KIAA2012: variants seen among roughly 807,000 people sequenced by gnomAD.
The protein encoded by KIAA2012 is KIAA2012.
In KIAA2012, 125 loss-of-function variants were observed where a neutral mutation model predicts 150.6. That is an observed-to-expected ratio of 0.83 (90% CI 0.72 to 0.96). KIAA2012 has a LOEUF of 0.96. Ranked by LOEUF, KIAA2012 falls within the 40% of genes least tolerant of loss-of-function variation. KIAA2012 has a pLI of 0.00. For synonymous variants in KIAA2012, 462 were observed against 504.7 expected (o/e 0.92, Z 1.13); for missense variants, 1,219 against 1,354.9 (o/e 0.90, Z 1.57).
In KIAA2012 at chr2:202,131,297, A is replaced by G. The variant is rs542313305; in HGVS notation, c.1831+6015A>G. On this transcript the variant is annotated intron_variant, in intron 12 of 23. Transcript: ENST00000498697. ...TGGGATTACAGGCGCACGCCACCAC[A>G]CCTGGCTAATTTTTTGTATTTTTAG... is the stretch of plus-strand genomic sequence containing the variant. Among the ~76,000 whole-genome samples the G allele has an allele frequency of 1.2e-4, 18 of 151,816 alleles. 1 individual carries two copies. Among genetic ancestry groups the G allele is most frequent in the Non-Finnish European group, 2.4e-4 (16 of 67,918 alleles).
chr2:202,164,214 G>A (rs79402786), intron 14 of KIAA2012, among the ~76,000 whole-genome samples: 371 of 152,030 alleles, frequency 2.4e-3, no homozygotes, highest in African/African-American at 8.4e-3. Flanking sequence ...GACACACGGG[G>A]CTTACTTGGG....
chr2:202,082,097 C>A (rs1243438804), intron 2 of KIAA2012, among the ~76,000 whole-genome samples: 1 of 152,206 alleles, frequency 6.6e-6, no homozygotes, highest in African/African-American at 2.4e-5. Flanking sequence ...TTTTTATGTG[C>A]GTGTTGACCA....
chr2:202,079,050 A>T (rs1689386303), intron 2 of KIAA2012, among the ~76,000 whole-genome samples: 1 of 152,150 alleles, frequency 6.6e-6, no homozygotes, highest in Non-Finnish European at 1.5e-5. Context: ...ACAAAAAATT[A>T]GCTGGGAGTG....
intron 2 of KIAA2012, among the ~76,000 whole-genome samples, chr2:202,081,992 C>A (rs1008543490): frequency 3.3e-5 from 5 of 152,100 alleles, no homozygotes; most frequent in Non-Finnish European, 5.9e-5. Context: ...AAAAAAATTT[C>A]TTTTATTTTA....
intron 15 of KIAA2012, among the ~76,000 whole-genome samples, chr2:202,181,423 A>C (rs1692119169): frequency 6.6e-6 from 1 of 152,070 alleles, no homozygotes; most frequent in Non-Finnish European, 1.5e-5. Flanking sequence ...AAAAAGAAAA[A>C]TTTTAAAACA....
At chr2:202,082,198 G>T (rs4675260) in intron 2 of KIAA2012, among the ~76,000 whole-genome samples, 22,194 of 152,022 alleles carry the variant, frequency 0.15, 2,187 homozygotes, top group East Asian at 0.32. Context: ...AATTGTAGGA[G>T]TTCTTAGATA....
In KIAA2012 at chr2:202,165,351, A is replaced by G. The variant is rs1208519535; in HGVS notation, c.2114A>G (p.Asp705Gly). Residue 705 changes from aspartate to glycine, a missense_variant, in exon 15 of 24, where the codon GAC (aspartate) becomes GGC (glycine). Asp to Gly is a moderately conservative substitution (Grantham distance 94). Transcript: ENST00000498697. ...GRPLRETHHN[D>G]QDPEPRSMTL... ...CCCCTCAGAGAAACTCACCACAACGACCAAGGTACAGACCACTAGGTGGGG... is the reference window on the plus strand; with the variant it reads ...CCCCTCAGAGAAACTCACCACAACGGCCAAGGTACAGACCACTAGGTGGGG... 1.3e-6 allele frequency: 2 copies of G among 1,550,090 alleles called. No individual in the cohort carries two copies. Among genetic ancestry groups the G allele is most frequent in the East Asian group, 2.4e-5 (1 of 40,916 alleles).
intron 2 of KIAA2012, among the ~76,000 whole-genome samples, chr2:202,077,541 A>T (rs1363493499): frequency 1.3e-5 from 2 of 152,252 alleles, no homozygotes; most frequent in Non-Finnish European, 2.9e-5. Flanking sequence ...GTCTAACTCC[A>T]CATGAGTAGA....
At chr2:202,157,354 T>C (rs1691551107) in intron 14 of KIAA2012, among the ~76,000 whole-genome samples, 1 of 152,148 alleles carries the variant, frequency 6.6e-6, no homozygotes, top group African/African-American at 2.4e-5. Flanking sequence ...TGGAGCTGTG[T>C]GGAAACCAAC....
chr2:202,118,609 G>A (rs1690582635), intron 11 of KIAA2012, among the ~76,000 whole-genome samples: 2 of 152,116 alleles, frequency 1.3e-5, no homozygotes, highest in Non-Finnish European at 2.9e-5. Flanking sequence ...TCTGTTCTGG[G>A]CTGAACCCTG....
chr2:202,091,133 C>G (rs1163789155), intron 3 of KIAA2012, among the ~76,000 whole-genome samples: 1 of 152,236 alleles, frequency 6.6e-6, no homozygotes, highest in South Asian at 2.1e-4. Context: ...GAGGGAAGAA[C>G]GGCCTGAAGT....
At chr2:202,181,507 G>C (rs1471724412) in intron 15 of KIAA2012, among the ~76,000 whole-genome samples, 1 of 151,900 alleles carries the variant, frequency 6.6e-6, no homozygotes, top group African/African-American at 2.4e-5. Flanking sequence ...CCTTGAGCCC[G>C]GGAGTTCAAA....
chr2:202,115,335 C>T (rs1690488284), intron 11 of KIAA2012: 1 of 152,220 alleles, frequency 6.6e-6, no homozygotes, highest in African/African-American at 2.4e-5. Context: ...CCCTTCCAGC[C>T]TCATCTCCTA....
chr2:202,184,637 C>T (rs1364513914), intron 15 of KIAA2012, 116 bp from the exon 16 acceptor site: 49 of 616,500 alleles, frequency 7.9e-5, no homozygotes, highest in Non-Finnish European at 1.3e-4. Flanking sequence ...TAGCATACGT[C>T]ATTGTTCTAA....
intron 19 of KIAA2012, among the ~76,000 whole-genome samples, chr2:202,192,051 T>C (rs35862681): frequency 0.1 from 15,332 of 152,254 alleles, 997 homozygotes; most frequent in Non-Finnish European, 0.13. Flanking sequence ...CAGGAAGATT[T>C]TCCTTTATAG....
At chr2:202,183,273 T>G (rs530261871) in intron 15 of KIAA2012, among the ~76,000 whole-genome samples, 1 of 151,968 alleles carries the variant, frequency 6.6e-6, no homozygotes, top group East Asian at 1.9e-4. Flanking sequence ...TAGAAAAAAT[T>G]AGCCGAGTAT....
intron 13 of KIAA2012, among the ~76,000 whole-genome samples, chr2:202,145,455 G>A (rs1691274734): frequency 6.6e-6 from 1 of 152,090 alleles, no homozygotes; most frequent in Admixed American, 6.6e-5. Context: ...CAAAAGGAAG[G>A]CTTTTATTTG....
chr2:202,190,224 C>A lies in KIAA2012; in HGVS notation c.2542C>A (p.Pro848Thr), dbSNP rs750750043. 6.5e-7 allele frequency: 1 copy of A among 1,529,280 alleles called. No homozygotes were observed. Among genetic ancestry groups the A allele is most frequent in the Middle Eastern group, 1.7e-4 (1 of 5,846 alleles). 94.7% of individuals were successfully genotyped at this position (1,529,280 alleles called of 1,614,324 possible). A position where few individuals can be genotyped will look rare whatever the true frequency, so the allele number is the denominator to read the frequency against. ...AAAAAAATTAGAAAAAAAAACAAGA[C>A]CCCAAAGGAAAAGGACACAGAAGGA... ...AKKKLEKKTR[P>T]QRKRTQKERN... The change falls in exon 19 of 24, where the codon CCC becomes ACC. Residue 848 changes from proline to threonine, a missense_variant. By Grantham distance (38) the Pro-to-Thr change is conservative. Transcript: ENST00000498697.
rs1690298892 is a variant in KIAA2012, at chr2:202,109,797, T to C, written c.1651+8T>C. ...CACTGCCAGCAGCTCAAGGTAATCA[T>C]TCCCAGAGTGCATAGACGCCCCCCA... On this transcript the variant is annotated splice_region_variant and intron_variant, in intron 10 of 23. Transcript: ENST00000498697. 6.5e-7 allele frequency: 1 copy of C among 1,538,474 alleles called. No homozygotes were observed. Among genetic ancestry groups the C allele is most frequent in the Admixed American group, 2.1e-5 (1 of 48,522 alleles).
Sources: allele counts gnomAD v4.1 joint callset (sites outside exome capture counted in the v4.1 genomes callset), GRCh38; gene constraint gnomAD v4.1.1; transcripts MANE v1.5; gene names NCBI Gene and HGNC (gene_info 2026-07-23, HGNC 2026-07-21).